Variants in CSMD1 observed in about 807,000 individuals in gnomAD.
CSMD1 encodes CUB and sushi domain-containing protein 1.
A neutral mutation model predicts 417.5 loss-of-function variants in CSMD1; 213 were observed. The observed-to-expected ratio is 0.51, with a 90% CI of 0.46 to 0.57. CSMD1 has a LOEUF of 0.57. Ranked by LOEUF, CSMD1 falls within the 20% of genes least tolerant of loss-of-function variation. The pLI, the probability that CSMD1 is intolerant of heterozygous loss-of-function variation, is 0.00. For synonymous variants in CSMD1, 2,862 were observed against 1,736.8 expected (o/e 1.65, Z -16.11); for missense variants, 6,923 against 4,529.7 (o/e 1.53, Z -15.17).
At chr8:3,024,746 C>A (rs1216624384) in intron 51 of CSMD1, among the ~76,000 whole-genome samples, 1 of 152,160 alleles carries the variant, frequency 6.6e-6, no homozygotes, top group African/African-American at 2.4e-5. Flanking sequence ...TAGATGGTTA[C>A]CATGTTGAGG....
chr8:3,565,479 C>G (rs1417494238), intron 10 of CSMD1, among the ~76,000 whole-genome samples: 1 of 152,160 alleles, frequency 6.6e-6, no homozygotes, highest in African/African-American at 2.4e-5. Flanking sequence ...GTCTACTGAA[C>G]CATATCTATT....
chr8:3,188,452 G>C (rs182858423), intron 35 of CSMD1, among the ~76,000 whole-genome samples: 19 of 151,172 alleles, frequency 1.3e-4, no homozygotes, highest in Non-Finnish European at 2.8e-4. Context: ...GATTACAGGC[G>C]TATACTACCA....
intron 1 of CSMD1, among the ~76,000 whole-genome samples, chr8:4,754,623 G>T (rs969208568): frequency 2.0e-5 from 3 of 151,946 alleles, no homozygotes; most frequent in South Asian, 2.1e-4. Context: ...AGGCAGAGGT[G>T]GGTGGATCAT....
chr8:4,190,095 A>G (rs1486689578), intron 3 of CSMD1, among the ~76,000 whole-genome samples: 1 of 151,524 alleles, frequency 6.6e-6, no homozygotes, highest in Non-Finnish European at 1.5e-5. Context: ...CATCTCTACT[A>G]AAAAATACAA....
chr8:4,908,532 T>A (rs997292613), intron 1 of CSMD1, among the ~76,000 whole-genome samples: 1 of 139,586 alleles, frequency 7.2e-6, no homozygotes, highest in African/African-American at 2.5e-5. Flanking sequence ...TGTTCTCTTC[T>A]GTTTTTTTTC....
At chr8:4,699,170 C>A (rs554509806) in intron 1 of CSMD1, among the ~76,000 whole-genome samples, 1 of 152,288 alleles carries the variant, frequency 6.6e-6, no homozygotes, top group Admixed American at 6.5e-5. Flanking sequence ...GTGTTTCACT[C>A]TGGACCTCTC....
chr8:4,014,686 G>A (rs1402912096), intron 4 of CSMD1, among the ~76,000 whole-genome samples: 1 of 152,200 alleles, frequency 6.6e-6, no homozygotes, highest in South Asian at 2.1e-4. Flanking sequence ...GCCAACTTGT[G>A]ATGAGGCTGG....
chr8:4,764,961 C>CT (rs1320703462), intron 1 of CSMD1, among the ~76,000 whole-genome samples: 1 of 150,302 alleles, frequency 6.7e-6, no homozygotes, highest in Non-Finnish European at 1.5e-5. Flanking sequence ...GTTGCACACT[C>CT]TTTATTTAAA....
intron 3 of CSMD1, among the ~76,000 whole-genome samples, chr8:4,290,582 T>G (rs1396904448): frequency 2.6e-5 from 4 of 152,232 alleles, no homozygotes; most frequent in Non-Finnish European, 4.4e-5. Flanking sequence ...CTGTCTCCCA[T>G]GCTTCATACA....
chr8:3,666,788 T>C (rs545221376), intron 7 of CSMD1, among the ~76,000 whole-genome samples: 6 of 152,340 alleles, frequency 3.9e-5, no homozygotes, highest in African/African-American at 1.4e-4. Context: ...CCTTCCATCA[T>C]GATTGTGAGG....
At chr8:4,760,220 T>C (rs570959458) in intron 1 of CSMD1, among the ~76,000 whole-genome samples, 2 of 152,370 alleles carry the variant, frequency 1.3e-5, no homozygotes, top group East Asian at 1.9e-4. Flanking sequence ...TAATTATCTA[T>C]TGTTATATGC....
intron 2 of CSMD1, among the ~76,000 whole-genome samples, chr8:4,491,047 G>C (rs1332283422): frequency 6.6e-6 from 1 of 152,126 alleles, no homozygotes; most frequent in East Asian, 1.9e-4. Context: ...ACCTGGCTGT[G>C]GTGAGGCGGT....
chr8:3,484,620 G>C (rs1446851861), intron 11 of CSMD1, among the ~76,000 whole-genome samples: 1 of 152,136 alleles, frequency 6.6e-6, no homozygotes, highest in Non-Finnish European at 1.5e-5. Context: ...TTTGCCATGT[G>C]TTGAAACCCA....
intron 16 of CSMD1, among the ~76,000 whole-genome samples, chr8:3,396,694 T>C (rs866209886): frequency 2.6e-5 from 4 of 151,896 alleles, no homozygotes; most frequent in African/African-American, 7.2e-5. Flanking sequence ...GATAGATTGA[T>C]AGATAGATAG....
intron 2 of CSMD1, among the ~76,000 whole-genome samples, chr8:4,573,057 T>G (rs943827084): frequency 5.3e-5 from 8 of 152,178 alleles, no homozygotes; most frequent in Admixed American, 2.0e-4. Context: ...TGTATTGGGT[T>G]AGAAAACGCT....
At chr8:4,402,971 C>T (rs2128929977) in intron 3 of CSMD1, among the ~76,000 whole-genome samples, 1 of 151,834 alleles carries the variant, frequency 6.6e-6, no homozygotes. Context: ...AGGTACCTGC[C>T]ACCATGCCTG....
chr8:3,856,842 C>T (rs955124797), intron 5 of CSMD1, among the ~76,000 whole-genome samples: 5 of 152,148 alleles, frequency 3.3e-5, no homozygotes, highest in Non-Finnish European at 7.3e-5. Flanking sequence ...GAACAGGCAA[C>T]TGAGCCACAG....
chr8:2,940,720 T>C (rs1367259336), intron 69 of CSMD1, among the ~76,000 whole-genome samples: 1 of 152,238 alleles, frequency 6.6e-6, no homozygotes, highest in Non-Finnish European at 1.5e-5. Flanking sequence ...TATATAATTA[T>C]GTGGGGTTAT....
chr8:3,783,683 G>T (rs943077935), intron 5 of CSMD1, among the ~76,000 whole-genome samples: 9 of 152,222 alleles, frequency 5.9e-5, no homozygotes, highest in Admixed American at 2.0e-4. Context: ...TGGTTCAGCA[G>T]TCAAACGGAG....
Sources: allele counts gnomAD v4.1 joint callset (sites outside exome capture counted in the v4.1 genomes callset), GRCh38; gene constraint gnomAD v4.1.1; transcripts MANE v1.5; gene names NCBI Gene and HGNC (gene_info 2026-07-23, HGNC 2026-07-21).